Variants in DYM observed in about 807,000 individuals in gnomAD.
DYM encodes the protein dyggve-Melchior-Clausen syndrome protein.
A neutral mutation model predicts 93.1 loss-of-function variants in DYM; 78 were observed. The ratio of observed to expected loss-of-function variants is 0.84; its 90% CI spans 0.70 to 1.01. The LOEUF (loss-of-function observed/expected upper bound fraction) is 1.01. Among genes scored for constraint, DYM ranks in the 50% least tolerant of loss-of-function variants. The probability of loss-of-function intolerance (pLI) is 0.00; values close to 1 mark genes in which losing one functional copy is unlikely to be tolerated. For synonymous variants in DYM, 321 were observed against 319.7 expected, an observed-to-expected ratio of 1.00 and a Z score of -0.04; for missense variants, 789 against 845.0, an observed-to-expected ratio of 0.93 and a Z score of 0.82.
At chr18:49,334,841 C>G (rs1229353509) in intron 6 of DYM, among the ~76,000 whole-genome samples, 1 of 152,196 alleles carries the variant, frequency 6.6e-6, no homozygotes, top group Non-Finnish European at 1.5e-5. Flanking sequence ...CTCAGTGGCT[C>G]ACGCCTGTAA....
intron 14 of DYM, among the ~76,000 whole-genome samples, chr18:49,193,775 C>A (rs1259957977): frequency 6.6e-6 from 1 of 152,154 alleles, no homozygotes; most frequent in Non-Finnish European, 1.5e-5. Flanking sequence ...GTGATCACTG[C>A]CAAACCATTT....
At chr18:49,166,392 T>G (rs1476282557) in intron 14 of DYM, among the ~76,000 whole-genome samples, 1 of 152,208 alleles carries the variant, frequency 6.6e-6, no homozygotes, top group East Asian at 1.9e-4. Flanking sequence ...AGTCCATTAT[T>G]AATCACTCAC....
At chr18:49,094,254 T>C (rs1458357892) in intron 17 of DYM, among the ~76,000 whole-genome samples, 2 of 152,190 alleles carry the variant, frequency 1.3e-5, no homozygotes, top group African/African-American at 4.8e-5. Flanking sequence ...CGCACGGATC[T>C]GGAAGAATTC....
intron 14 of DYM, chr18:49,206,011 G>GTTTGTTTTTTGTTTTTTTT (rs2092475166): frequency 7.4e-6 from 1 of 135,040 alleles, no homozygotes. Context: ...TTGTTTTTTT[G>GTTTGTTTTTTGTTTTTTTT]TTTTTTGCGG....
chr18:49,106,164 G>A (rs989624408), intron 16 of DYM, among the ~76,000 whole-genome samples: 10 of 152,142 alleles, frequency 6.6e-5, no homozygotes, highest in African/African-American at 2.4e-4. Context: ...ATTATGTAAT[G>A]GCCTTCTTTC....
intron 2 of DYM, among the ~76,000 whole-genome samples, chr18:49,421,193 T>A (rs1032766392): frequency 1.3e-5 from 2 of 152,190 alleles, no homozygotes; most frequent in Admixed American, 6.6e-5. Context: ...ATGGACAGAC[T>A]GCCTCCTCAA....
chr18:49,354,134 G>C (rs974357839), intron 6 of DYM, among the ~76,000 whole-genome samples: 6 of 152,028 alleles, frequency 3.9e-5, no homozygotes, highest in South Asian at 2.1e-4. Flanking sequence ...TAGTTAATTG[G>C]TCTTTGACAA....
chr18:49,460,047 G>A (rs949592075), intron 1 of DYM, among the ~76,000 whole-genome samples: 1 of 152,088 alleles, frequency 6.6e-6, no homozygotes, highest in African/African-American at 2.4e-5. Flanking sequence ...GTTATACCTC[G>A]ATAAACTATG....
chr18:49,448,698 A>C lies in DYM; in HGVS notation c.-54+11700T>G, dbSNP rs142746787. On this transcript the variant is annotated intron_variant, in intron 1 of 17. Transcript: ENST00000675505. ...CCTCTCCACCATGGGTCACACCAAA[A>C]GGAAGGAGACTAAAGGGCCACCTTT... Among the ~76,000 whole-genome samples the C allele has an allele frequency of 7.6e-3, 1,165 of 152,316 alleles. 6 individuals carry two copies. Among genetic ancestry groups the C allele is most frequent in the Non-Finnish European group, 0.012 (800 of 68,018 alleles).
chr18:49,307,149 C>A (rs2061322664), intron 8 of DYM, among the ~76,000 whole-genome samples: 1 of 151,994 alleles, frequency 6.6e-6, no homozygotes, highest in Non-Finnish European at 1.5e-5. Flanking sequence ...ATGGTCTTGC[C>A]TTCATCTACT....
chr18:49,348,496 C>T (rs1478966865), intron 6 of DYM, among the ~76,000 whole-genome samples: 1 of 152,114 alleles, frequency 6.6e-6, no homozygotes, highest in African/African-American at 2.4e-5. Context: ...GGATTTTAGT[C>T]TCAGAACTGC....
chr18:49,044,291 G>T, intron 17 of DYM, 87 bp from the exon 18 acceptor site: 1 of 1,497,248 alleles, frequency 6.7e-7, no homozygotes, highest in Non-Finnish European at 9.2e-7. Context: ...GCTGTGGTGT[G>T]CGGGGAGCCC....
intron 16 of DYM, among the ~76,000 whole-genome samples, chr18:49,113,462 A>G (rs1034498246): frequency 9.9e-5 from 15 of 152,194 alleles, no homozygotes; most frequent in African/African-American, 3.4e-4. Context: ...AAAAACATCT[A>G]TCTAATTCCT....
chr18:49,289,404 T>TAAAAAAAAAAA (rs56240607), intron 8 of DYM, among the ~76,000 whole-genome samples: 4 of 33,522 alleles, frequency 1.2e-4, no homozygotes, highest in African/African-American at 3.7e-4. Context: ...TACAAATCAG[T>TAAAAAAAAAAA]AAAAAAAAAA....
chr18:49,447,062 A>C (rs1403860793), intron 1 of DYM, among the ~76,000 whole-genome samples: 10 of 147,540 alleles, frequency 6.8e-5, no homozygotes, highest in African/African-American at 1.7e-4. Context: ...CTCCATCACA[A>C]AAAAAAAAAA....
chr18:49,452,400 A>T (rs781660274), intron 1 of DYM, among the ~76,000 whole-genome samples: 27 of 152,058 alleles, frequency 1.8e-4, no homozygotes, highest in Non-Finnish European at 3.1e-4. Context: ...TTATTCCCTT[A>T]TCTGGCCCCA....
chr18:49,230,374 A>G (rs1433082494), intron 13 of DYM, among the ~76,000 whole-genome samples: 1 of 152,142 alleles, frequency 6.6e-6, no homozygotes, highest in Non-Finnish European at 1.5e-5. Context: ...AACCTTTGAT[A>G]TCAAGCCCCT....
intron 11 of DYM, among the ~76,000 whole-genome samples, chr18:49,258,851 G>GAGAGAGAGAGCAC (rs2094441619): frequency 1.4e-5 from 1 of 73,800 alleles, no homozygotes; most frequent in African/African-American, 6.8e-5. Context: ...GAGAGAGAGA[G>GAGAGAGAGAGCAC]AGAGAGAGAG....
At chr18:49,090,328 G>C (rs1477837884) in intron 17 of DYM, among the ~76,000 whole-genome samples, 2 of 152,168 alleles carry the variant, frequency 1.3e-5, no homozygotes, top group Non-Finnish European at 2.9e-5. Flanking sequence ...CCAGCACAGA[G>C]CTATCTCCTT....
Sources: allele counts gnomAD v4.1 joint callset (sites outside exome capture counted in the v4.1 genomes callset), GRCh38; gene constraint gnomAD v4.1.1; transcripts MANE v1.5; gene names NCBI Gene and HGNC (gene_info 2026-07-23, HGNC 2026-07-21).